TENM3: variants seen among roughly 807,000 people sequenced by gnomAD.
TENM3 encodes teneurin-3.
TENM3 carries 63 observed loss-of-function variants against 255.1 expected under a neutral mutation model. The observed-to-expected ratio is 0.25, with a 90% CI of 0.20 to 0.30. TENM3 has a LOEUF of 0.30. TENM3 is among the 10% of genes least tolerant of loss of function. The probability of loss-of-function intolerance (pLI) is 1.00; values close to 1 mark genes in which losing one functional copy is unlikely to be tolerated. For missense variants in TENM3, 2,929 were observed against 3,461.1 expected (o/e 0.85, Z 3.86); for synonymous variants, 1,306 against 1,322.3 (o/e 0.99, Z 0.27).
intron 3 of TENM3, among the ~76,000 whole-genome samples, chr4:182,375,513 A>G (rs537856423): frequency 4.9e-4 from 75 of 152,098 alleles, no homozygotes; most frequent in Non-Finnish European, 1.0e-3. Context: ...ATATTTTTTA[A>G]GGAGTTGCGT....
chr4:182,117,767 G>A, the TENM3 span, among the ~76,000 whole-genome samples: 1 of 151,928 alleles, frequency 6.6e-6, no homozygotes, highest in African/African-American at 2.4e-5. Flanking sequence ...TTAATATTCT[G>A]GATATTTTTT....
intron 1 of TENM3, among the ~76,000 whole-genome samples, chr4:182,256,005 TTTC>T (rs1226714031): frequency 6.6e-6 from 1 of 152,216 alleles, no homozygotes; most frequent in Non-Finnish European, 1.5e-5. Context: ...TGCATTCCTG[TTTC>T]TGCAATCCCA....
Position 182,477,747 on chromosome 4 carries a change from A to G in TENM3, c.512-123177A>G, listed in dbSNP as rs556453044. 9.2e-5 allele frequency among the ~76,000 whole-genome samples: 14 copies of G among 152,362 alleles called. 1 individual carries two copies. In the South Asian group the frequency reaches 2.7e-3, roughly 29 times the overall value. ...AGATGCAACAAATCACATCTGAGAT[A>G]CACAGATAAACAGCAGTTCATCTAC... On this transcript the variant is annotated intron_variant, in intron 3 of 27. Coordinates refer to ENST00000511685, the MANE Select transcript of TENM3 (RefSeq NM_001080477.4).
the TENM3 span, among the ~76,000 whole-genome samples, chr4:182,081,386 C>T: frequency 6.6e-6 from 1 of 151,842 alleles, no homozygotes; most frequent in Admixed American, 6.6e-5. Context: ...GAGTTCGAGA[C>T]CAGCCTGGCC....
chr4:182,240,226 T>C (rs1039245319), upstream of TENM3, among the ~76,000 whole-genome samples: 1 of 152,168 alleles, frequency 6.6e-6, no homozygotes, highest in African/African-American at 2.4e-5. Flanking sequence ...TGTCACTGAC[T>C]CTGAGTTTGG....
chr4:181,596,102 C>A, the TENM3 span, among the ~76,000 whole-genome samples: 1 of 152,128 alleles, frequency 6.6e-6, no homozygotes, highest in Non-Finnish European at 1.5e-5. Flanking sequence ...CCACAACACG[C>A]AGAACAGTTC....
At chr4:182,777,488 C>G (rs909483619) in intron 24 of TENM3, among the ~76,000 whole-genome samples, 4 of 142,662 alleles carry the variant, frequency 2.8e-5, no homozygotes, top group African/African-American at 1.1e-4. Context: ...ATATCATTCT[C>G]TCTGTCTATA....
intron 4 of TENM3, among the ~76,000 whole-genome samples, chr4:182,609,744 C>T (rs1294551729): frequency 6.6e-6 from 1 of 152,176 alleles, no homozygotes; most frequent in African/African-American, 2.4e-5. Context: ...AGCTGTGTAA[C>T]CTTGGTCAGG....
intron 1 of TENM3, among the ~76,000 whole-genome samples, chr4:182,304,304 C>G (rs1762011355): frequency 6.6e-6 from 1 of 152,014 alleles, no homozygotes; most frequent in South Asian, 2.1e-4. Flanking sequence ...CCTCTGCCTC[C>G]CGGGTTCAAG....
the TENM3 span, among the ~76,000 whole-genome samples, chr4:182,082,712 A>G: frequency 6.6e-6 from 1 of 152,202 alleles, no homozygotes; most frequent in Non-Finnish European, 1.5e-5. Flanking sequence ...AATACAAAAC[A>G]ATAAGATGGG....
At chr4:181,790,820 T>C in the TENM3 span, among the ~76,000 whole-genome samples, 1 of 152,210 alleles carries the variant, frequency 6.6e-6, no homozygotes, top group Admixed American at 6.5e-5. Context: ...TGGCCCTCAC[T>C]GAGAATCTTC....
the TENM3 span, among the ~76,000 whole-genome samples, chr4:181,699,284 A>C: frequency 6.6e-6 from 1 of 151,792 alleles, no homozygotes; most frequent in South Asian, 2.1e-4. Context: ...TACAAAAATT[A>C]GCCAGGCATG....
At chr4:182,724,039 C>CT (rs1343129857) in intron 13 of TENM3, among the ~76,000 whole-genome samples, 2 of 152,154 alleles carry the variant, frequency 1.3e-5, no homozygotes, top group Non-Finnish European at 2.9e-5. Flanking sequence ...CGGAGGGAAG[C>CT]ATAAACAGTA....
chr4:181,467,059 TAGTGTGTG>T, the TENM3 span, among the ~76,000 whole-genome samples: 1 of 68,982 alleles, frequency 1.4e-5, no homozygotes, highest in East Asian at 3.3e-4. Flanking sequence ...AATATTTTAC[TAGTGTGTG>T]TGTGTGTGTG....
At chr4:182,225,487 C>G (rs1756091793) in intron 1 of TENM3, among the ~76,000 whole-genome samples, 1 of 152,120 alleles carries the variant, frequency 6.6e-6, no homozygotes, top group Non-Finnish European at 1.5e-5. Context: ...CTGATCTTTT[C>G]AGTGGTGAAT....
At chr4:182,721,237 G>A (rs760840963) in intron 13 of TENM3, among the ~76,000 whole-genome samples, 3 of 152,120 alleles carry the variant, frequency 2.0e-5, no homozygotes, top group Non-Finnish European at 4.4e-5. Flanking sequence ...AGAAGTCGTG[G>A]TACAGAGATA....
At chr4:181,869,032 C>G in the TENM3 span, among the ~76,000 whole-genome samples, 2 of 151,488 alleles carry the variant, frequency 1.3e-5, no homozygotes, top group South Asian at 2.1e-4. Flanking sequence ...GACCAATTTT[C>G]TTATACTATT....
At chr4:181,631,307 T>TC in the TENM3 span, among the ~76,000 whole-genome samples, 1 of 151,926 alleles carries the variant, frequency 6.6e-6, no homozygotes, top group African/African-American at 2.4e-5. Flanking sequence ...TTTTTTTTTT[T>TC]AGACGAAGTT....
At chr4:181,502,897 CAA>C in the TENM3 span, among the ~76,000 whole-genome samples, 1 of 152,128 alleles carries the variant, frequency 6.6e-6, no homozygotes, top group African/African-American at 2.4e-5. Flanking sequence ...CAAACAGCCT[CAA>C]GAGGGAGTTT....
Sources: allele counts gnomAD v4.1 joint callset (sites outside exome capture counted in the v4.1 genomes callset), GRCh38; gene constraint gnomAD v4.1.1; transcripts MANE v1.5; gene names NCBI Gene and HGNC (gene_info 2026-07-23, HGNC 2026-07-21).